The following DPYD variants were observed in gnomAD, a reference collection of about 807,000 sequenced individuals.
The protein encoded by DPYD is dihydropyrimidine dehydrogenase.
Under a neutral mutation model 116.2 loss-of-function variants are expected in DPYD, and 109 were observed. That is an observed-to-expected ratio of 0.94 (90% CI 0.80 to 1.10). The LOEUF is 1.10. DPYD is among the 50% of genes least tolerant of loss of function. The pLI, the probability that DPYD is intolerant of heterozygous loss-of-function variation, is 0.00. For missense variants in DPYD, 1,302 were observed against 1,254.5 expected, an observed-to-expected ratio of 1.04 and a Z score of -0.57; for synonymous variants, 440 against 432.0, an observed-to-expected ratio of 1.02 and a Z score of -0.23.
intron 5 of DPYD, among the ~76,000 whole-genome samples, chr1:97,703,147 C>A (rs1661705528): frequency 6.6e-6 from 1 of 151,926 alleles, no homozygotes; most frequent in Non-Finnish European, 1.5e-5. Context: ...TTTTTCTTTA[C>A]AACTTTTTAT....
chr1:97,184,559 C>A (rs1657869677), intron 20 of DPYD, among the ~76,000 whole-genome samples: 1 of 151,942 alleles, frequency 6.6e-6, no homozygotes, highest in Admixed American at 6.6e-5. Context: ...CTGCATGTAT[C>A]CACGTCGCTG....
intron 7 of DPYD, among the ~76,000 whole-genome samples, chr1:97,682,386 C>T (rs916676951): frequency 2.0e-5 from 3 of 151,864 alleles, no homozygotes; most frequent in Non-Finnish European, 2.9e-5. Flanking sequence ...ATAACAAGAA[C>T]ATTCCAAGCA....
At chr1:97,715,525 A>G (rs140829333) in intron 5 of DPYD, among the ~76,000 whole-genome samples, 2,017 of 152,260 alleles carry the variant, frequency 0.013, 21 homozygotes, top group Middle Eastern at 0.024. Context: ...AGTTTGATTA[A>G]CTGAATCCTT....
intron 10 of DPYD, among the ~76,000 whole-genome samples, chr1:97,574,582 G>T (rs1056735254): frequency 2.0e-5 from 3 of 152,058 alleles, no homozygotes; most frequent in Admixed American, 1.3e-4. Flanking sequence ...TGAATGCCCA[G>T]TTCTTCCCCA....
At chr1:97,181,455 C>T (rs1657638700) in intron 20 of DPYD, among the ~76,000 whole-genome samples, 1 of 152,038 alleles carries the variant, frequency 6.6e-6, no homozygotes, top group South Asian at 2.1e-4. Context: ...AATTTACTGC[C>T]CAAACTTGAA....
chr1:97,198,341 T>C (rs1290292619), intron 19 of DPYD, among the ~76,000 whole-genome samples: 1 of 152,212 alleles, frequency 6.6e-6, no homozygotes, highest in Admixed American at 6.5e-5. Context: ...TTAGATTATA[T>C]CAACATTTTC....
At chr1:97,399,804 C>T (rs1199535380) in intron 14 of DPYD, among the ~76,000 whole-genome samples, 1 of 152,080 alleles carries the variant, frequency 6.6e-6, no homozygotes, top group African/African-American at 2.4e-5. Context: ...ATTTTGTATC[C>T]TGAGACTTTG....
chr1:97,099,113 A>G (rs1311271627), intron 20 of DPYD, among the ~76,000 whole-genome samples: 2 of 152,122 alleles, frequency 1.3e-5, no homozygotes, highest in African/African-American at 4.8e-5. Flanking sequence ...TCTCATCTGT[A>G]TCTCTATTTT....
chr1:97,910,187 AT>A (rs1419236153), intron 1 of DPYD, among the ~76,000 whole-genome samples: 2 of 152,108 alleles, frequency 1.3e-5, no homozygotes, highest in Non-Finnish European at 2.9e-5. Context: ...TATTAAAGAA[AT>A]TTTTTTTACT....
chr1:97,324,391 G>A (rs1170056508), intron 16 of DPYD, among the ~76,000 whole-genome samples: 1 of 152,048 alleles, frequency 6.6e-6, no homozygotes, highest in Non-Finnish European at 1.5e-5. Flanking sequence ...TAGTCTCCAA[G>A]TGGTTGCTTT....
At chr1:97,615,808 C>T (rs1454717023) in intron 8 of DPYD, among the ~76,000 whole-genome samples, 1 of 152,070 alleles carries the variant, frequency 6.6e-6, no homozygotes, top group Non-Finnish European at 1.5e-5. Context: ...TCTCATCTCC[C>T]CCAACCCCTT....
intron 2 of DPYD, among the ~76,000 whole-genome samples, chr1:97,851,984 T>C (rs978059573): frequency 8.9e-5 from 3 of 33,646 alleles, no homozygotes; most frequent in East Asian, 5.6e-4. Flanking sequence ...GTTTAAAGTA[T>C]AGAAAAAAAA....
chr1:97,186,212 T>C (rs181813252), intron 20 of DPYD, among the ~76,000 whole-genome samples: 3 of 152,236 alleles, frequency 2.0e-5, no homozygotes, highest in East Asian at 1.9e-4. Flanking sequence ...CAAATAGCAA[T>C]AGTTTTATGA....
chr1:97,115,680 A>G (rs899398261), intron 20 of DPYD, among the ~76,000 whole-genome samples: 1 of 152,218 alleles, frequency 6.6e-6, no homozygotes, highest in Non-Finnish European at 1.5e-5. Flanking sequence ...ATAAAAACCT[A>G]TGCAGGAAGA....
intron 3 of DPYD, among the ~76,000 whole-genome samples, chr1:97,803,676 C>A (rs1667945927): frequency 1.3e-5 from 2 of 151,696 alleles, no homozygotes; most frequent in Admixed American, 1.3e-4. Flanking sequence ...CTACAAAGTT[C>A]CCCTTCTGAT....
chr1:97,276,910 T>C (rs1570407439), intron 18 of DPYD, among the ~76,000 whole-genome samples: 1 of 152,204 alleles, frequency 6.6e-6, no homozygotes, highest in Non-Finnish European at 1.5e-5. Context: ...TGTGCTTGTA[T>C]GTTCATCACA....
intron 3 of DPYD, among the ~76,000 whole-genome samples, chr1:97,743,630 G>T (rs938905231): frequency 6.6e-6 from 1 of 152,120 alleles, no homozygotes; most frequent in South Asian, 2.1e-4. Context: ...ATAGGCAAAT[G>T]GTGTAAATAA....
chr1:97,577,277 T>C (rs1653328607), intron 10 of DPYD, among the ~76,000 whole-genome samples: 2 of 152,136 alleles, frequency 1.3e-5, no homozygotes, highest in South Asian at 4.1e-4. Context: ...ATATTTCCCT[T>C]ATACACCTGC....
chr1:97,477,269 T>C (rs1452052485), intron 13 of DPYD, among the ~76,000 whole-genome samples: 2 of 152,352 alleles, frequency 1.3e-5, no homozygotes, highest in Admixed American at 6.5e-5. Context: ...TCTATCTCAA[T>C]AAACTACTTT....
Sources: gnomAD v4.1 joint callset for allele counts (sites outside exome capture counted in the v4.1 genomes callset) on GRCh38, gnomAD v4.1.1 for gene constraint, MANE v1.5 for transcripts, NCBI Gene and HGNC (gene_info 2026-07-23, HGNC 2026-07-21) for gene names.